Variants in ANKRD17 observed in about 807,000 individuals in gnomAD.
ANKRD17 encodes ankyrin repeat domain 17.
A neutral mutation model predicts 229.7 loss-of-function variants in ANKRD17; 19 were observed. The observed-to-expected ratio is 0.08, with a 90% CI of 0.06 to 0.12. ANKRD17 has a LOEUF of 0.12. Ranked by LOEUF, ANKRD17 falls within the 10% of genes least tolerant of loss-of-function variation. ANKRD17 has a pLI of 1.00. For synonymous variants in ANKRD17, 1,112 were observed against 1,146.1 expected (o/e 0.97, Z 0.60); for missense variants, 2,176 against 3,176.8 (o/e 0.68, Z 7.57).
chr4:73,100,831 C>T (rs1245145150), intron 25 of ANKRD17: 2 of 984,516 alleles, frequency 2.0e-6, no homozygotes, highest in East Asian at 1.1e-4. Flanking sequence ...AAAAACAAAA[C>T]AAAACAAAAC....
chr4:73,194,525 C>T (rs1213123417), intron 1 of ANKRD17, among the ~76,000 whole-genome samples: 1 of 151,854 alleles, frequency 6.6e-6, no homozygotes, highest in African/African-American at 2.4e-5. Flanking sequence ...TATTATAGGG[C>T]CTTTTCTATA....
At chr4:73,136,225 T>C (rs894858090) in intron 15 of ANKRD17, among the ~76,000 whole-genome samples, 2 of 152,066 alleles carry the variant, frequency 1.3e-5, no homozygotes, top group African/African-American at 4.8e-5. Context: ...GCTATAGTAT[T>C]AAAGTATGGG....
intron 1 of ANKRD17, among the ~76,000 whole-genome samples, chr4:73,219,760 A>C (rs1279695686): frequency 6.6e-6 from 1 of 152,204 alleles, no homozygotes; most frequent in Admixed American, 6.5e-5. Flanking sequence ...TGACAAAAGA[A>C]TAAGAACGGG....
At chr4:73,135,760 C>G (rs943494511) in intron 15 of ANKRD17, among the ~76,000 whole-genome samples, 1 of 152,132 alleles carries the variant, frequency 6.6e-6, no homozygotes, top group Non-Finnish European at 1.5e-5. Flanking sequence ...CACCGCCATA[C>G]TGTTTTACTA....
intron 24 of ANKRD17, chr4:73,112,753 A>G: frequency 1.3e-6 from 1 of 787,632 alleles, no homozygotes; most frequent in South Asian, 5.8e-5. Flanking sequence ...TAAATAGTAG[A>G]TGTTAAATTT....
chr4:73,104,704 G>T (rs1159545376), intron 24 of ANKRD17, among the ~76,000 whole-genome samples: 1 of 151,782 alleles, frequency 6.6e-6, no homozygotes, highest in Non-Finnish European at 1.5e-5. Flanking sequence ...CTGGAATTTT[G>T]TACTTACCTG....
chr4:73,106,489 TAA>T (rs1206510155), intron 24 of ANKRD17, among the ~76,000 whole-genome samples: 3 of 151,986 alleles, frequency 2.0e-5, no homozygotes, highest in African/African-American at 7.2e-5. Flanking sequence ...CCTGGAGAAA[TAA>T]GAGAGAAGAC....
intron 1 of ANKRD17, among the ~76,000 whole-genome samples, chr4:73,220,816 T>C (rs1741750197): frequency 6.6e-6 from 1 of 152,176 alleles, no homozygotes; most frequent in Non-Finnish European, 1.5e-5. Flanking sequence ...AGTAGCTCAA[T>C]ATTAAGTACA....
At chr4:73,254,077 T>C (rs906971625) in intron 1 of ANKRD17, among the ~76,000 whole-genome samples, 9 of 152,284 alleles carry the variant, frequency 5.9e-5, no homozygotes, top group Middle Eastern at 3.4e-3. Context: ...AATTAAGAGA[T>C]GAAACAAGCA....
chr4:73,151,522 G>A lies in ANKRD17; in HGVS notation c.1237C>T (p.His413Tyr). ...AAAAGAAATCGCACCATCTCTAAGT[G>A]TCCTAAACCAAAAGTGTACAAGATT... Reference protein sequence around the residue: ...SALTLACYKGHLEMVRFLLEA... With the variant: ...SALTLACYKGYLEMVRFLLEA... Residue 413 changes from histidine (H) to tyrosine (Y), a missense_variant and splice_region_variant, in exon 7 of 34, where the codon CAC becomes TAC. By Grantham distance (83) the His-to-Tyr change is moderately conservative (BLOSUM62 2). Around this residue, in one of 18 missense-constraint regions of ANKRD17, gnomAD observed 184 missense variants for 357.8 expected, o/e 0.51. Coordinates refer to ENST00000358602, the MANE Select transcript of ANKRD17 (RefSeq NM_032217.5). 2 of 1,578,066 alleles carry A rather than the reference G, an allele frequency of 1.3e-6. No individual in the cohort carries two copies. Among genetic ancestry groups the A allele is most frequent in the Non-Finnish European group, 1.7e-6 (2 of 1,162,072 alleles).
chr4:73,100,976 C>T, intron 25 of ANKRD17: 1 of 984,222 alleles, frequency 1.0e-6, no homozygotes, highest in Non-Finnish European at 1.2e-6. Flanking sequence ...AAAAACAAAA[C>T]AAAAAACAAA....
rs551057293 is a variant in ANKRD17, at chr4:73,098,154, A to C, written c.4940T>G (p.Val1647Gly). 2 of 1,614,070 alleles carry C rather than the reference A, an allele frequency of 1.2e-6. No homozygotes were observed. The highest frequency in any genetic ancestry group is 2.7e-5 in the African/African-American group (2 of 75,034). Reference protein sequence around the residue: ...NHSPAVVTTTVSSKKQPSVLV... With the variant: ...NHSPAVVTTTGSSKKQPSVLV... ...AACTGATGGCTGCTTTTTGCTGCTC[A>C]CAGTGGTAGTGACCACAGCTGGTGA... Residue 1647 changes from valine to glycine, a missense_variant, in exon 26 of 34, where the codon GTG becomes GGG. Around this residue, in one of 18 missense-constraint regions of ANKRD17, gnomAD observed 98 missense variants for 101.0 expected, o/e 0.97. Transcript: ENST00000358602.
intron 1 of ANKRD17, among the ~76,000 whole-genome samples, chr4:73,237,752 C>T (rs1360161981): frequency 6.6e-6 from 1 of 152,108 alleles, no homozygotes; most frequent in Non-Finnish European, 1.5e-5. Flanking sequence ...CAGAAAAGGA[C>T]TTAAGAGTCA....
chr4:73,215,338 C>A (rs944981182), intron 1 of ANKRD17, among the ~76,000 whole-genome samples: 2 of 151,950 alleles, frequency 1.3e-5, no homozygotes, highest in African/African-American at 4.8e-5. Flanking sequence ...CGGCTCACTG[C>A]AACCTCCGCC....
At chr4:73,252,145 T>C (rs928119092) in intron 1 of ANKRD17, among the ~76,000 whole-genome samples, 1 of 152,334 alleles carries the variant, frequency 6.6e-6, no homozygotes, top group Admixed American at 6.5e-5. Flanking sequence ...CATGAGAACC[T>C]AGCAGAGATA....
chr4:73,173,467 G>C (rs759054641), intron 2 of ANKRD17, among the ~76,000 whole-genome samples: 1 of 152,142 alleles, frequency 6.6e-6, no homozygotes, highest in Non-Finnish European at 1.5e-5. Flanking sequence ...CTAATGTGCA[G>C]CTCCCACTTG....
At chr4:73,244,400 TAC>T (rs1487488384) in intron 1 of ANKRD17, among the ~76,000 whole-genome samples, 2 of 152,168 alleles carry the variant, frequency 1.3e-5, no homozygotes, top group African/African-American at 4.8e-5. Flanking sequence ...GGAAATATTC[TAC>T]ATATGCACTC....
rs749583499 is a variant in ANKRD17 at position 73,139,622 on chromosome 4, C to G, written c.2994G>C (p.Leu998=). The G allele has an allele frequency of 6.2e-7, 1 of 1,614,106 alleles. No homozygotes were observed. The highest frequency in any genetic ancestry group is 8.5e-7 in the Non-Finnish European group (1 of 1,180,012). The change falls in exon 15 of 34, where the codon CTG becomes CTC. Residue 998 remains leucine (L), a synonymous_variant. Transcript: ENST00000358602. The stretch of plus-strand genomic sequence containing the variant: ...GTGTTTCTGTCAGAATTCCTTGCCC[C>G]AGCCCTGCCAACTGTGCTTGGCCCA... ...PVLGQAQLAG[L]GQGILTETQQ... is the part of the protein sequence containing the mutation.
intron 6 of ANKRD17, among the ~76,000 whole-genome samples, chr4:73,152,025 A>T (rs1560603987): frequency 6.6e-6 from 1 of 152,068 alleles, no homozygotes; most frequent in East Asian, 1.9e-4. Flanking sequence ...CACACCATTT[A>T]ATTTATATTT....
Sources: allele counts gnomAD v4.1 joint callset (sites outside exome capture counted in the v4.1 genomes callset), GRCh38; gene constraint gnomAD v4.1.1; regional missense constraint gnomAD v4.1.1; transcripts MANE v1.5; gene names NCBI Gene and HGNC (gene_info 2026-07-23, HGNC 2026-07-21).